Variants in SOX5 observed in about 807,000 individuals in gnomAD.
SOX5 encodes transcription factor SOX-5.
A neutral mutation model predicts 92.0 loss-of-function variants in SOX5; 9 were observed. The ratio of observed to expected loss-of-function variants is 0.10; its 90% CI spans 0.06 to 0.17. The LOEUF is 0.17. Ranked by LOEUF, SOX5 falls within the 10% of genes least tolerant of loss-of-function variation. The probability of loss-of-function intolerance (pLI) is 1.00; values close to 1 mark genes in which losing one functional copy is unlikely to be tolerated. For missense variants in SOX5, 642 were observed against 944.5 expected (o/e 0.68, Z 4.20); for synonymous variants, 344 against 336.3 (o/e 1.02, Z -0.25).
intron 3 of SOX5, among the ~76,000 whole-genome samples, chr12:24,257,395 G>T (rs1195193930): frequency 6.6e-6 from 1 of 152,120 alleles, no homozygotes. Flanking sequence ...ATTGTTCCAG[G>T]TGATTTCTGA....
intron 4 of SOX5, among the ~76,000 whole-genome samples, chr12:24,139,669 A>G (rs1435378219): frequency 6.6e-6 from 1 of 152,222 alleles, no homozygotes; most frequent in Non-Finnish European, 1.5e-5. Flanking sequence ...CACACACTGC[A>G]ATTTTTAATC....
At chr12:24,148,323 C>T (rs768105592) in intron 4 of SOX5, among the ~76,000 whole-genome samples, 1 of 151,686 alleles carries the variant, frequency 6.6e-6, no homozygotes, top group South Asian at 2.1e-4. Flanking sequence ...GGTGAAACCC[C>T]GTCTCTATTA....
chr12:24,521,911 A>AG (rs1419668272), intron 1 of SOX5, among the ~76,000 whole-genome samples: 1 of 152,060 alleles, frequency 6.6e-6, no homozygotes, highest in African/African-American at 2.4e-5. Context: ...TGTAAAACCA[A>AG]GCCCAAAGTT....
chr12:24,454,028 G>T (rs1037504988), intron 1 of SOX5, among the ~76,000 whole-genome samples: 1 of 152,096 alleles, frequency 6.6e-6, no homozygotes, highest in African/African-American at 2.4e-5. Context: ...AATTATCTGT[G>T]ACCCAATTTG....
chr12:23,618,417 T>A (rs1299367927), intron 8 of SOX5, among the ~76,000 whole-genome samples: 2 of 152,180 alleles, frequency 1.3e-5, no homozygotes, highest in East Asian at 3.9e-4. Flanking sequence ...GGGGTAGTAA[T>A]CAAGCCATTT....
At chr12:24,265,626 G>T (rs374167710) in intron 3 of SOX5, among the ~76,000 whole-genome samples, 1 of 152,186 alleles carries the variant, frequency 6.6e-6, no homozygotes, top group African/African-American at 2.4e-5. Flanking sequence ...TTCTTAAAAT[G>T]AAAGTAATAT....
At chr12:24,274,197 A>G (rs966674943) in intron 3 of SOX5, among the ~76,000 whole-genome samples, 1 of 152,150 alleles carries the variant, frequency 6.6e-6, no homozygotes, top group Non-Finnish European at 1.5e-5. Context: ...TATTGTATCA[A>G]TTACTAAGAC....
intron 1 of SOX5, among the ~76,000 whole-genome samples, chr12:23,922,690 G>T (rs993943786): frequency 6.6e-6 from 1 of 152,166 alleles, no homozygotes; most frequent in African/African-American, 2.4e-5. Flanking sequence ...TTAAAAATAA[G>T]TTCAAGTGCT....
At chr12:24,279,872 G>C (rs1353129997) in intron 2 of SOX5, among the ~76,000 whole-genome samples, 1 of 152,132 alleles carries the variant, frequency 6.6e-6, no homozygotes, top group East Asian at 1.9e-4. Flanking sequence ...AACTGCAGGG[G>C]AGACAGATGA....
intron 1 of SOX5, among the ~76,000 whole-genome samples, chr12:24,389,473 G>A (rs1382136369): frequency 1.3e-5 from 2 of 152,116 alleles, no homozygotes; most frequent in African/African-American, 4.8e-5. Context: ...TGCAGGTTAG[G>A]TAAACGTATG....
At chr12:24,176,987 T>G (rs776054286) in intron 4 of SOX5, among the ~76,000 whole-genome samples, 4,938 of 151,718 alleles carry the variant, frequency 0.033, 115 homozygotes, top group Middle Eastern at 0.059. Context: ...GTTTTTTTTT[T>G]TTTTTTTTGT....
At chr12:24,389,659 A>C (rs548126928) in intron 1 of SOX5, among the ~76,000 whole-genome samples, 1 of 152,308 alleles carries the variant, frequency 6.6e-6, no homozygotes, top group East Asian at 1.9e-4. Context: ...TGTTTTGGCT[A>C]TCATGAATAA....
chr12:23,795,793 T>C (rs2095552029), intron 3 of SOX5, among the ~76,000 whole-genome samples: 1 of 152,160 alleles, frequency 6.6e-6, no homozygotes, highest in African/African-American at 2.4e-5. Flanking sequence ...TGTGTGTTTG[T>C]GTGCACACAT....
At chr12:24,167,790 A>G (rs1473730335) in intron 4 of SOX5, among the ~76,000 whole-genome samples, 2 of 152,210 alleles carry the variant, frequency 1.3e-5, no homozygotes, top group African/African-American at 2.4e-5. Context: ...TATGTCAATC[A>G]CTATTTTCTT....
At chr12:24,304,532 A>C (rs573511981) in intron 2 of SOX5, among the ~76,000 whole-genome samples, 1 of 152,306 alleles carries the variant, frequency 6.6e-6, no homozygotes, top group East Asian at 1.9e-4. Context: ...AGGTGGTCTG[A>C]CAGAGGATTG....
chr12:24,010,952 A>G (rs1952857657), intron 4 of SOX5, among the ~76,000 whole-genome samples: 1 of 152,112 alleles, frequency 6.6e-6, no homozygotes, highest in East Asian at 1.9e-4. Flanking sequence ...AAAAAAAAAA[A>G]GAATAATATT....
chr12:24,501,638 C>A (rs573835346), intron 1 of SOX5, among the ~76,000 whole-genome samples: 128 of 152,134 alleles, frequency 8.4e-4, no homozygotes, highest in African/African-American at 3.0e-3. Context: ...CCAGCCTGGG[C>A]AACATGGCAA....
chr12:24,385,143 T>A (rs1958248643), intron 1 of SOX5, among the ~76,000 whole-genome samples: 1 of 152,242 alleles, frequency 6.6e-6, no homozygotes, highest in Admixed American at 6.5e-5. Flanking sequence ...CTAAATTAAA[T>A]TTTATTAAAG....
intron 1 of SOX5, among the ~76,000 whole-genome samples, chr12:24,510,842 G>C (rs1949239114): frequency 1.3e-5 from 2 of 152,182 alleles, no homozygotes; most frequent in Non-Finnish European, 2.9e-5. Context: ...ATCACGAGCT[G>C]GCCCCCAGGA....
Sources: allele counts gnomAD v4.1 joint callset (sites outside exome capture counted in the v4.1 genomes callset), GRCh38; gene constraint gnomAD v4.1.1; transcripts MANE v1.5; gene names NCBI Gene and HGNC (gene_info 2026-07-23, HGNC 2026-07-21).